The following IGSF21 variants were observed in gnomAD, a reference collection of about 807,000 sequenced individuals.
IGSF21 encodes immunoglobin superfamily member 21.
In IGSF21, 28 loss-of-function variants were observed where a neutral mutation model predicts 46.8. The observed-to-expected ratio is 0.60, with a 90% CI of 0.44 to 0.82. The LOEUF is 0.82. Among genes scored for constraint, IGSF21 ranks in the 40% least tolerant of loss-of-function variants. The pLI, the probability that IGSF21 is intolerant of heterozygous loss-of-function variation, is 0.00. For synonymous variants in IGSF21, 284 were observed against 273.6 expected (o/e 1.04, Z -0.38); for missense variants, 624 against 665.5 (o/e 0.94, Z 0.69).
chr1:18,360,449 T>C (rs904179540), intron 4 of IGSF21, among the ~76,000 whole-genome samples: 2 of 152,172 alleles, frequency 1.3e-5, no homozygotes, highest in African/African-American at 4.8e-5. Context: ...CACCTGACTG[T>C]GAACTTTGCA....
At chr1:18,200,090 G>A (rs924290812) in intron 1 of IGSF21, among the ~76,000 whole-genome samples, 1 of 152,134 alleles carries the variant, frequency 6.6e-6, no homozygotes, top group African/African-American at 2.4e-5. Context: ...GCCCATTGTG[G>A]GACAGTGGGA....
chr1:18,200,925 C>T (rs985416856), intron 1 of IGSF21, among the ~76,000 whole-genome samples: 4 of 152,176 alleles, frequency 2.6e-5, no homozygotes, highest in Non-Finnish European at 5.9e-5. Flanking sequence ...CTTTGCTCTT[C>T]TGCTGCGCTA....
intron 2 of IGSF21, among the ~76,000 whole-genome samples, chr1:18,230,546 A>C (rs771268224): frequency 2.6e-5 from 4 of 152,004 alleles, no homozygotes; most frequent in Non-Finnish European, 4.4e-5. Flanking sequence ...AGCTGGACGG[A>C]GGTGGTGGCT....
intron 1 of IGSF21, among the ~76,000 whole-genome samples, chr1:18,158,407 G>A (rs561873198): frequency 4.2e-4 from 64 of 152,302 alleles, no homozygotes; most frequent in South Asian, 1.2e-3. Context: ...TGTGCGGTAG[G>A]AACGAAGAGG....
chr1:18,225,601 A>G (rs1557596072), intron 1 of IGSF21, among the ~76,000 whole-genome samples: 1 of 152,120 alleles, frequency 6.6e-6, no homozygotes, highest in Non-Finnish European at 1.5e-5. Flanking sequence ...TGATCTCATC[A>G]GCCATCTGGA....
intron 1 of IGSF21, among the ~76,000 whole-genome samples, chr1:18,138,560 C>T (rs1278107041): frequency 2.6e-5 from 4 of 152,106 alleles, no homozygotes; most frequent in Non-Finnish European, 4.4e-5. Context: ...GCAACTGATG[C>T]GGTTTTCACT....
At chr1:18,166,100 A>G (rs541391608) in intron 1 of IGSF21, among the ~76,000 whole-genome samples, 1 of 152,348 alleles carries the variant, frequency 6.6e-6, no homozygotes, top group South Asian at 2.1e-4. Context: ...GCCTTGCTGA[A>G]GAAATTAAAT....
rs1244667764 is a variant in IGSF21, at chr1:18,335,210, C to T, written c.424+200C>T. Among the ~76,000 whole-genome samples the T allele has an allele frequency of 6.6e-6, 1 of 152,196 alleles. No homozygotes were observed. Among genetic ancestry groups the T allele is most frequent in the African/African-American group, 2.4e-5 (1 of 41,452 alleles). On this transcript the variant is annotated intron_variant, in intron 4 of 9. Transcript: ENST00000251296. This position sits in a 1 kb window ranked among gnomAD's most constrained non-coding sequence, Gnocchi z 4.8. ...AAGGTGTGACCCGTGAAGTCTTGCC[C>T]CCCATGGGCCTCCCCTCAGGAGGTC...
In IGSF21 at chr1:18,190,883, C is replaced by T. The variant is rs1459953541; in HGVS notation, c.71-37015C>T. Among the ~76,000 whole-genome samples, 3 of 152,156 alleles carry T rather than the reference C, an allele frequency of 2.0e-5. No homozygotes were observed. In the East Asian group the frequency reaches 5.8e-4, roughly 29 times the overall value. Reference sequence around the variant, plus strand: ...TGATTGAGGGGAGAGCTGGGTTACCCTGGGAAGGCAGCAGCCAAGTCCTCT... The same window carrying T: ...TGATTGAGGGGAGAGCTGGGTTACCTTGGGAAGGCAGCAGCCAAGTCCTCT... On this transcript the variant is annotated intron_variant, in intron 1 of 9. Coordinates refer to ENST00000251296, the MANE Select transcript of IGSF21 (RefSeq NM_032880.5).
intron 1 of IGSF21, among the ~76,000 whole-genome samples, chr1:18,176,460 G>A (rs1466406364): frequency 6.6e-6 from 1 of 152,190 alleles, no homozygotes; most frequent in Non-Finnish European, 1.5e-5. Context: ...TTGAACCTTA[G>A]GGGTCCCATC....
chr1:18,250,363 T>C (rs1051004665), intron 2 of IGSF21, among the ~76,000 whole-genome samples: 1 of 151,882 alleles, frequency 6.6e-6, no homozygotes, highest in African/African-American at 2.4e-5. Flanking sequence ...GAGTAAGTGC[T>C]TTTGCACGTA....
rs532721328 is a variant in IGSF21 at position 18,274,038 on chromosome 1, C to T, written c.184-17828C>T. On this transcript the variant is annotated intron_variant, in intron 2 of 9. Transcript: ENST00000251296. ...TACCAAGTCAAAGATGAGTCAGGGG[C>T]TCACATGGTCCAGTTAGAAGAAAAG... Among the ~76,000 whole-genome samples the T allele has an allele frequency of 2.4e-4, 36 of 152,294 alleles. 1 individual carries two copies. The highest frequency in any genetic ancestry group is 4.4e-4 in the Non-Finnish European group (30 of 68,030).
At chr1:18,353,176 T>G (rs1185171379) in intron 4 of IGSF21, among the ~76,000 whole-genome samples, 1 of 152,048 alleles carries the variant, frequency 6.6e-6, no homozygotes, top group South Asian at 2.1e-4. Flanking sequence ...CTGTTACTAC[T>G]CAGTTCAATA....
chr1:18,339,719 T>C (rs575031183), intron 4 of IGSF21, among the ~76,000 whole-genome samples: 1 of 152,212 alleles, frequency 6.6e-6, no homozygotes, highest in South Asian at 2.1e-4. Context: ...TGAGACCCTG[T>C]CTCCAAAAAT....
chr1:18,337,913 G>T lies in IGSF21; in HGVS notation c.424+2903G>T, dbSNP rs1272218354. 6.6e-6 allele frequency among the ~76,000 whole-genome samples: 1 copy of T among 152,166 alleles called. No individual in the cohort carries two copies. Among genetic ancestry groups the T allele is most frequent in the African/African-American group, 2.4e-5 (1 of 41,442 alleles). On this transcript the variant is annotated intron_variant, in intron 4 of 9. Coordinates refer to ENST00000251296, the MANE Select transcript of IGSF21 (RefSeq NM_032880.5). The surrounding 1 kb of genome is among the most constrained non-coding windows in gnomAD (Gnocchi z 5.7). ...AATTTGCTCCAGGCCTTATAGGGTG[G>T]GGGTTATCTCTGTGCCAGAGGAGCG...
At chr1:18,147,166 A>G (rs550314935) in intron 1 of IGSF21, among the ~76,000 whole-genome samples, 1 of 152,314 alleles carries the variant, frequency 6.6e-6, no homozygotes, top group South Asian at 2.1e-4. Context: ...CCAGGTGTCC[A>G]GAGAGATATT....
intron 1 of IGSF21, among the ~76,000 whole-genome samples, chr1:18,200,502 T>C (rs1216923878): frequency 6.6e-6 from 1 of 152,138 alleles, no homozygotes; most frequent in African/African-American, 2.4e-5. Context: ...CAATTCTTGG[T>C]GTTTGGTGTT....
At chr1:18,340,874 C>T (rs1415657760) in intron 4 of IGSF21, among the ~76,000 whole-genome samples, 28 of 152,136 alleles carry the variant, frequency 1.8e-4, no homozygotes, top group Non-Finnish European at 5.9e-5. Context: ...AGATTTGCTT[C>T]TGCTTCTGCC....
At chr1:18,165,405 A>G (rs576500856) in intron 1 of IGSF21, among the ~76,000 whole-genome samples, 76 of 152,150 alleles carry the variant, frequency 5.0e-4, no homozygotes, top group African/African-American at 1.7e-3. Flanking sequence ...GTGCCTCCAA[A>G]TTATTTCTTC....
Sources: gnomAD v4.1 joint callset for allele counts (sites outside exome capture counted in the v4.1 genomes callset) on GRCh38, gnomAD v4.1.1 for gene constraint, Gnocchi (gnomAD v3.1) non-coding constraint, MANE v1.5 for transcripts, NCBI Gene and HGNC (gene_info 2026-07-23, HGNC 2026-07-21) for gene names.